The following ZBTB21 variants were observed in gnomAD, a reference collection of about 807,000 sequenced individuals.
ZBTB21 encodes the protein zinc finger and BTB domain containing 21.
In ZBTB21, 10 loss-of-function variants were observed where a neutral mutation model predicts 39.8. The observed-to-expected ratio is 0.25, with a 90% CI of 0.16 to 0.43. ZBTB21 has a LOEUF of 0.43. Ranked by LOEUF, ZBTB21 falls within the 20% of genes least tolerant of loss-of-function variation. ZBTB21 has a pLI of 1.00. For missense variants in ZBTB21, 1,221 were observed against 1,296.3 expected, an observed-to-expected ratio of 0.94 and a Z score of 0.89; for synonymous variants, 551 against 498.8, an observed-to-expected ratio of 1.10 and a Z score of -1.40.
rs761192288 is a variant in ZBTB21, at chr21:41,993,165, A to C, written c.931T>G (p.Ser311Ala). 1.2e-6 allele frequency: 2 copies of C among 1,614,014 alleles called. No individual in the cohort carries two copies. The highest frequency in any genetic ancestry group is 2.2e-5 in the South Asian group (2 of 91,078). The part of the protein sequence containing the change: ...QGEDRNLLYY[S>A]KLGLVIPSSG... ...GATGGGATCACTAAGCCTAACTTTG[A>C]ATAGTACAACAAGTTTCTATCTTCA... Residue 311 changes from serine to alanine, a missense_variant, in exon 3 of 3, where the codon TCA (serine) becomes GCA (alanine). This residue lies in a region of ZBTB21 where 500 missense variants were observed against 465.6 expected (regional missense o/e 1.07). Transcript: ENST00000310826.
In ZBTB21 at chr21:41,991,834, G is replaced by A. The variant is rs775447431; in HGVS notation, c.2262C>T (p.Ser754=). Residue 754 remains serine (S), a synonymous_variant, in exon 3 of 3, where the codon AGC becomes AGT. Coordinates refer to ENST00000310826, the MANE Select transcript of ZBTB21 (RefSeq NM_001098402.2). The surrounding 1 kb of genome is among the most constrained non-coding windows in gnomAD (Gnocchi z 4.9). ...CRNAAVCPYC[S]LRFFSPELKQ... ...TCAGCTCGGGCGAGAAAAACCTGAG[G>A]CTGCAGTAAGGGCAGACGGCCGCGT... 5.0e-6 allele frequency: 8 copies of A among 1,614,106 alleles called. No homozygotes were observed. The highest frequency in any genetic ancestry group is 6.8e-6 in the Non-Finnish European group (8 of 1,180,064).
chr21:41,994,111 A>G lies in ZBTB21; in HGVS notation c.-13-3T>C, dbSNP rs1337355472. 1.9e-6 allele frequency: 3 copies of G among 1,549,598 alleles called. No individual in the cohort carries two copies. The highest frequency in any genetic ancestry group is 2.6e-6 in the Non-Finnish European group (3 of 1,151,318). On this transcript the variant is annotated splice_polypyrimidine_tract_variant and splice_region_variant and intron_variant, in intron 2 of 2. Transcript: ENST00000310826. ...ATCCCTCCATGGCTTGAGTTTATCT[A>G]AAAGACAAAATGTAAAATTACTACA...
chr21:42,003,570 G>C (rs2065842768), intron 1 of ZBTB21, among the ~76,000 whole-genome samples: 1 of 152,116 alleles, frequency 6.6e-6, no homozygotes, highest in Non-Finnish European at 1.5e-5. Flanking sequence ...AATACAAGCT[G>C]AATATCTCTA....
At position 41,990,840 on chromosome 21, in the gene ZBTB21, A is replaced by G. The variant is rs1198643730; in HGVS notation, c.*55T>C. 2.2e-6 allele frequency: 3 copies of G among 1,387,792 alleles called. No individual in the cohort carries two copies. Among genetic ancestry groups the G allele is most frequent in the Non-Finnish European group, 1.9e-6 (2 of 1,060,410 alleles). 86.0% of individuals were successfully genotyped at this position (1,387,792 alleles called of 1,614,324 possible). On this transcript the variant is annotated 3_prime_UTR_variant, in exon 3 of 3. Transcript: ENST00000310826. ...TATTTTGTTTCTTATGACACATTTC[A>G]CAATTCAGGTTGAAATCTGGGGACT...
At chr21:42,004,307 C>G (rs956053286) in intron 1 of ZBTB21, among the ~76,000 whole-genome samples, 9 of 152,136 alleles carry the variant, frequency 5.9e-5, no homozygotes, top group African/African-American at 2.2e-4. Flanking sequence ...TGAGCCACCG[C>G]GCCCGGCCTC....
chr21:41,990,927 T>C lies in ZBTB21; in HGVS notation c.3169A>G (p.Ser1057Gly), dbSNP rs753207923. The part of the protein sequence containing the change: ...LCHRTFKTAF[S>G]LWSHEQTHN ...TGTGTTTGTTCGTGACTCCAAAGAC[T>C]AAATGCAGTCTTGAATGTCCTGTGG... The change falls in exon 3 of 3, where the codon AGT (serine) becomes GGT (glycine). Residue 1057 changes from serine to glycine, a missense_variant. Physicochemically the swap from Ser to Gly is moderately conservative, Grantham distance 56 (BLOSUM62 0). Transcript: ENST00000310826. 2.0e-6 allele frequency: 3 copies of C among 1,501,608 alleles called. No individual in the cohort carries two copies. The highest frequency in any genetic ancestry group is 2.5e-5 in the Admixed American group (1 of 40,396). 93.0% of individuals were successfully genotyped at this position (1,501,608 alleles called of 1,614,324 possible). A position where few individuals can be genotyped will look rare whatever the true frequency, so the allele number is the denominator to read the frequency against.
intron 1 of ZBTB21, among the ~76,000 whole-genome samples, chr21:42,006,779 T>C (rs2065884195): frequency 6.6e-6 from 1 of 152,194 alleles, no homozygotes; most frequent in Non-Finnish European, 1.5e-5. Context: ...TAAGTTAAAA[T>C]GAGGGCTTTA....
intron 1 of ZBTB21, among the ~76,000 whole-genome samples, chr21:42,003,510 G>A (rs2065841931): frequency 6.6e-6 from 1 of 152,172 alleles, no homozygotes. Flanking sequence ...TTAACTATGA[G>A]TGAATAGTCC....
chr21:42,010,130 G>GA (rs1177696993), intron 1 of ZBTB21, 122 bp downstream of exon 1: 7 of 388,532 alleles, frequency 1.8e-5, no homozygotes, highest in Admixed American at 8.9e-5. Flanking sequence ...CGCTGGTGGA[G>GA]AAAAAAGAGG....
At chr21:41,994,599 C>A (rs62216705) in intron 2 of ZBTB21, among the ~76,000 whole-genome samples, 1 of 151,974 alleles carries the variant, frequency 6.6e-6, no homozygotes, top group African/African-American at 2.4e-5. Flanking sequence ...CTTGTGAGAC[C>A]CTTGTTTTTA....
chr21:41,997,616 A>G (rs1490579896), intron 2 of ZBTB21, among the ~76,000 whole-genome samples: 1 of 151,358 alleles, frequency 6.6e-6, no homozygotes, highest in African/African-American at 2.4e-5. Context: ...CAAAAAAAAG[A>G]TTAGAAGTGT....
intron 2 of ZBTB21, among the ~76,000 whole-genome samples, chr21:42,001,717 T>G (rs913608061): frequency 2.0e-5 from 3 of 152,326 alleles, no homozygotes; most frequent in African/African-American, 7.2e-5. Flanking sequence ...CAGCTATAAT[T>G]TGGGTGCTTA....
chr21:42,000,247 G>C (rs1190960178), intron 2 of ZBTB21, among the ~76,000 whole-genome samples: 1 of 152,162 alleles, frequency 6.6e-6, no homozygotes, highest in Admixed American at 6.6e-5. Context: ...ATTCAGTTTT[G>C]ATATCCTACA....
chr21:42,006,594 C>G (rs748822262), intron 1 of ZBTB21, among the ~76,000 whole-genome samples: 1 of 152,112 alleles, frequency 6.6e-6, no homozygotes, highest in African/African-American at 2.4e-5. Flanking sequence ...GCACACTACT[C>G]AGAATATTAA....
Position 41,993,650 on chromosome 21 carries a change from A to C in ZBTB21, c.446T>G (p.Val149Gly), listed in dbSNP as rs1442703549. 1.2e-6 allele frequency: 2 copies of C among 1,614,078 alleles called. No individual in the cohort carries two copies. Among genetic ancestry groups the C allele is most frequent in the Non-Finnish European group, 1.7e-6 (2 of 1,180,044 alleles). The stretch of plus-strand genomic sequence containing the variant: ...TTCGTTTCTACTTTGACAAACAATG[A>C]CACTTCTCTTTTGAGAACTGTTTTC... ...DDENSSQKRSVIVCQSRNEAQ... is the reference protein window; with the variant it reads ...DDENSSQKRSGIVCQSRNEAQ... The change falls in exon 3 of 3, where the codon GTC (valine) becomes GGC (glycine). Residue 149 changes from valine to glycine, a missense_variant. Around this residue, in one of 4 missense-constraint regions of ZBTB21, gnomAD observed 500 missense variants for 465.6 expected, o/e 1.07. Transcript: ENST00000310826.
chr21:42,009,350 G>A (rs1256767787), intron 1 of ZBTB21: 1 of 152,286 alleles, frequency 6.6e-6, no homozygotes, highest in Non-Finnish European at 1.5e-5. Flanking sequence ...GAGCCGCTGA[G>A]GATGGACTAC....
intron 2 of ZBTB21, among the ~76,000 whole-genome samples, chr21:41,996,074 G>A (rs1177246895): frequency 6.6e-6 from 1 of 152,232 alleles, no homozygotes; most frequent in African/African-American, 2.4e-5. Context: ...GGGCCCCATG[G>A]AGAAACTTCT....
intron 2 of ZBTB21, among the ~76,000 whole-genome samples, chr21:41,994,763 C>T (rs530626922): frequency 3.9e-5 from 6 of 152,238 alleles, no homozygotes; most frequent in East Asian, 1.9e-4. Flanking sequence ...CCAGGTGATG[C>T]GGTTTGGTGG....
chr21:41,993,693 C>A lies in ZBTB21; in HGVS notation c.403G>T (p.Val135Leu). ...PFPTCPNRKK[V>L]FVEDDENSSQ... is the part of the protein sequence containing the mutation. ...CTGTTTTCATCATCTTCTACAAACA[C>A]TTTTTTTCTATTAGGACACGTTGGA... The change falls in exon 3 of 3, where the codon GTG (valine) becomes TTG (leucine). Residue 135 changes from valine (V) to leucine (L), a missense_variant. By Grantham distance (32) the Val-to-Leu change is conservative (BLOSUM62 1). This residue lies in a region of ZBTB21 where 500 missense variants were observed against 465.6 expected (regional missense o/e 1.07). Transcript: ENST00000310826. The A allele has an allele frequency of 6.2e-7, 1 of 1,614,084 alleles. No homozygotes were observed. Among genetic ancestry groups the A allele is most frequent in the Middle Eastern group, 1.7e-4 (1 of 6,060 alleles).
Sources: allele counts gnomAD v4.1 joint callset (sites outside exome capture counted in the v4.1 genomes callset), GRCh38; gene constraint gnomAD v4.1.1; regional missense constraint gnomAD v4.1.1; non-coding constraint Gnocchi (gnomAD v3.1); transcripts MANE v1.5; gene names NCBI Gene and HGNC (gene_info 2026-07-23, HGNC 2026-07-21).